The following RAB2A variants were observed in gnomAD, a reference collection of about 807,000 sequenced individuals.
The protein encoded by RAB2A is RAB2A, member RAS oncogene family, also known as ras-related protein Rab-2A.
In RAB2A, 7 loss-of-function variants were observed where a neutral mutation model predicts 32.5. That is an observed-to-expected ratio of 0.22 (90% CI 0.12 to 0.40). The LOEUF (loss-of-function observed/expected upper bound fraction) is 0.40. Among genes scored for constraint, RAB2A ranks in the 10% least tolerant of loss-of-function variants. The pLI is 1.00. For missense variants in RAB2A, 108 were observed against 260.7 expected (o/e 0.41, Z 4.03); for synonymous variants, 79 against 85.2 (o/e 0.93, Z 0.40).
chr8:60,530,772 C>CA (rs755967043), intron 1 of RAB2A, among the ~76,000 whole-genome samples: 16 of 152,030 alleles, frequency 1.1e-4, no homozygotes, highest in Non-Finnish European at 1.8e-4. Context: ...GTCATATAGA[C>CA]AAAGATCAAG....
intron 6 of RAB2A, among the ~76,000 whole-genome samples, chr8:60,608,277 T>C (rs1804269948): frequency 6.6e-6 from 1 of 152,222 alleles, no homozygotes; most frequent in Admixed American, 6.5e-5. Flanking sequence ...ACAGTAATGA[T>C]GACTGTATAG....
At position 60,605,832 on chromosome 8, in the gene RAB2A, C is replaced by CATATATATATATATATATAT. The variant is rs1328541490; in HGVS notation, c.475-12741_475-12740insTATATATATATATATATATA. Among the ~76,000 whole-genome samples, 549 of 120,714 alleles carry CATATATATATATATATATAT rather than the reference C, an allele frequency of 4.5e-3. 32 individuals carry two copies. The highest frequency in any genetic ancestry group is 0.016 in the African/African-American group (419 of 26,046). The allele number at this position is 120,714 out of a possible 152,430, so 79.2% of individuals were successfully genotyped here. On this transcript the variant is annotated intron_variant, in intron 6 of 7. Coordinates refer to ENST00000262646, the MANE Select transcript of RAB2A (RefSeq NM_002865.3). ...GGCTCATAGGCAAAAGGGACTAATA[C>CATATATATATATATATATAT]ATATATACATATATATATATAATGC... is the stretch of plus-strand genomic sequence containing the variant.
chr8:60,558,441 T>C (rs1055451171), intron 1 of RAB2A: 4 of 514,112 alleles, frequency 7.8e-6, no homozygotes, highest in South Asian at 2.8e-5. Flanking sequence ...CAGACACTTA[T>C]TGCTGGCTTA....
intron 6 of RAB2A, among the ~76,000 whole-genome samples, chr8:60,604,974 T>C (rs1488386090): frequency 6.6e-6 from 1 of 152,210 alleles, no homozygotes; most frequent in African/African-American, 2.4e-5. Flanking sequence ...GGAGAAGGCC[T>C]GGAAGGCATT....
intron 6 of RAB2A, among the ~76,000 whole-genome samples, chr8:60,607,117 CT>C (rs201215354): frequency 0.011 from 1,422 of 124,692 alleles, 16 homozygotes; most frequent in African/African-American, 0.03. Flanking sequence ...GGTCAATTGT[CT>C]TTTTTTTTTT....
At chr8:60,577,552 T>G (rs1586093250) in intron 3 of RAB2A, among the ~76,000 whole-genome samples, 1 of 152,140 alleles carries the variant, frequency 6.6e-6, no homozygotes, top group East Asian at 1.9e-4. Flanking sequence ...TCACCTGGAA[T>G]AGAAGTTTTG....
intron 5 of RAB2A, among the ~76,000 whole-genome samples, chr8:60,588,516 A>G (rs938745584): frequency 6.6e-6 from 1 of 152,234 alleles, no homozygotes; most frequent in African/African-American, 2.4e-5. Flanking sequence ...GGAATGAACT[A>G]TTGATACATG....
chr8:60,577,603 G>A (rs141729296), intron 3 of RAB2A, among the ~76,000 whole-genome samples: 2 of 151,668 alleles, frequency 1.3e-5, no homozygotes, highest in African/African-American at 2.4e-5. Flanking sequence ...CTCAATTATA[G>A]CAGTTCCTTG....
intron 2 of RAB2A, among the ~76,000 whole-genome samples, chr8:60,568,899 A>C (rs1429379772): frequency 6.6e-6 from 1 of 152,148 alleles, no homozygotes; most frequent in African/African-American, 2.4e-5. Context: ...GGAGAAGGAA[A>C]CCTTTCTAAA....
intron 1 of RAB2A, among the ~76,000 whole-genome samples, chr8:60,547,263 C>T (rs1474426267): frequency 3.9e-5 from 6 of 152,216 alleles, no homozygotes; most frequent in Non-Finnish European, 7.3e-5. Flanking sequence ...TTTCTTAGTA[C>T]AGAACAAAAG....
chr8:60,570,245 A>T lies in RAB2A; in HGVS notation c.119-1801A>T, dbSNP rs181376538. On this transcript the variant is annotated intron_variant, in intron 2 of 7. Transcript: ENST00000262646. ...TTATGAGCAATATAGATAGTTTTGG[A>T]TTGTGCTTAAAAGCCAACCCATCCC... Among the ~76,000 whole-genome samples, 7 of 152,226 alleles carry T rather than the reference A, an allele frequency of 4.6e-5. No homozygotes were observed. In the East Asian group the frequency reaches 1.4e-3, roughly 29 times the overall value.
intron 6 of RAB2A, among the ~76,000 whole-genome samples, chr8:60,595,924 A>G (rs1364001097): frequency 6.6e-6 from 1 of 152,266 alleles, no homozygotes; most frequent in Non-Finnish European, 1.5e-5. Flanking sequence ...TCAGTTTAAC[A>G]GAAAATAGGA....
intron 1 of RAB2A, 146 bp downstream of exon 1, chr8:60,517,399 C>A: frequency 1.3e-6 from 1 of 757,304 alleles, no homozygotes; most frequent in Non-Finnish European, 1.9e-6. Flanking sequence ...AGTGCTGGAG[C>A]TGGTGACGTG....
chr8:60,561,911 C>T (rs1808031650), intron 2 of RAB2A, among the ~76,000 whole-genome samples: 1 of 152,154 alleles, frequency 6.6e-6, no homozygotes, highest in Non-Finnish European at 1.5e-5. Flanking sequence ...ATGATCAGTT[C>T]TCTACTCTGT....
chr8:60,572,248 TGTG>T (rs1808207719), intron 3 of RAB2A, 135 bp downstream of exon 3: 2 of 612,352 alleles, frequency 3.3e-6, no homozygotes, highest in African/African-American at 1.9e-5. Context: ...TGAGATGAAA[TGTG>T]GTGCTGGAGT....
At chr8:60,602,777 A>C (rs1349006323) in intron 6 of RAB2A, among the ~76,000 whole-genome samples, 1 of 152,224 alleles carries the variant, frequency 6.6e-6, no homozygotes, top group African/African-American at 2.4e-5. Flanking sequence ...CAGCAATTAC[A>C]GTAATTATGG....
At chr8:60,604,677 G>A (rs1292659057) in intron 6 of RAB2A, among the ~76,000 whole-genome samples, 1 of 152,164 alleles carries the variant, frequency 6.6e-6, no homozygotes, top group Non-Finnish European at 1.5e-5. Flanking sequence ...GTGGAACTTG[G>A]AACTTGAATG....
At chr8:60,525,571 C>T (rs1408213368) in intron 1 of RAB2A, among the ~76,000 whole-genome samples, 3 of 152,062 alleles carry the variant, frequency 2.0e-5, no homozygotes, top group Non-Finnish European at 4.4e-5. Context: ...TTTCTTTCCC[C>T]ATATCTTCTG....
chr8:60,547,930 C>A (rs1807770054), intron 1 of RAB2A, among the ~76,000 whole-genome samples: 2 of 107,476 alleles, frequency 1.9e-5, no homozygotes, highest in African/African-American at 4.0e-5. Context: ...GGCAGAGTGG[C>A]TCCTCACTTC....
Sources: allele counts gnomAD v4.1 joint callset (sites outside exome capture counted in the v4.1 genomes callset), GRCh38; gene constraint gnomAD v4.1.1; transcripts MANE v1.5; gene names NCBI Gene and HGNC (gene_info 2026-07-23, HGNC 2026-07-21).